SVIL: variants seen among roughly 807,000 people sequenced by gnomAD.
The protein encoded by SVIL is supervillin, also known as archvillin.
SVIL carries 101 observed loss-of-function variants against 240.4 expected under a neutral mutation model. The observed-to-expected ratio is 0.42, with a 90% CI of 0.36 to 0.50. The LOEUF (loss-of-function observed/expected upper bound fraction) is 0.50. SVIL is among the 20% of genes least tolerant of loss of function. The pLI, the probability that SVIL is intolerant of heterozygous loss-of-function variation, is 0.01. For synonymous variants in SVIL, 999 were observed against 1,100.0 expected (o/e 0.91, Z 1.82); for missense variants, 2,512 against 2,818.7 (o/e 0.89, Z 2.46).
chr10:29,546,700 G>C (rs1952725368), intron 6 of SVIL, among the ~76,000 whole-genome samples: 2 of 152,146 alleles, frequency 1.3e-5, no homozygotes. Context: ...GCTCACATTT[G>C]AATATTTAGG....
chr10:29,696,320 C>T (rs573236465), intron 1 of SVIL, among the ~76,000 whole-genome samples: 12 of 152,244 alleles, frequency 7.9e-5, no homozygotes, highest in Non-Finnish European at 1.5e-4. Flanking sequence ...ACCTCCCAGC[C>T]GCCTGCCTTG....
chr10:29,550,656 C>G lies in SVIL; in HGVS notation c.768G>C (p.Gln256His), dbSNP rs1256433888. 4 of 1,613,800 alleles carry G rather than the reference C, an allele frequency of 2.5e-6. No homozygotes were observed. The South Asian group carries it at 4.4e-5, about 18-fold the overall frequency. Residue 256 changes from glutamine (Q) to histidine (H), a missense_variant, in exon 6 of 38, where the codon CAG (glutamine) becomes CAC (histidine). By Grantham distance (24) the Gln-to-His change is conservative. This residue lies in a region of SVIL where 1,443 missense variants were observed against 1,486.6 expected (regional missense o/e 0.97). Coordinates refer to ENST00000355867, the MANE Select transcript of SVIL (RefSeq NM_021738.3). ...PKHAHSSSLQ[Q>H]AASRSPSFGD... ...CAAAGGAGGGGCTCCGGGAGGCTGC[C>G]TGCTGCAGGGAGGAGCTGTGGGCGT...
rs1182329924 is a variant in SVIL, at chr10:29,481,672, T to C, written c.5012A>G (p.Glu1671Gly). The change falls in exon 28 of 38, where the codon GAG (glutamate) becomes GGG (glycine). Residue 1671 changes from glutamate (E) to glycine (G), a missense_variant. Coordinates refer to ENST00000355867, the MANE Select transcript of SVIL (RefSeq NM_021738.3). ...AIFGRLTEHNETILFKEKFLD... is the reference protein window; with the variant it reads ...AIFGRLTEHNGTILFKEKFLD... ...AAACTTCTCTTTGAACAAAATCGTC[T>C]CATTGTGTTCAGTAAGTCTCCCAAA... 1.2e-6 allele frequency: 2 copies of C among 1,613,988 alleles called. No individual in the cohort carries two copies. Among genetic ancestry groups the C allele is most frequent in the Non-Finnish European group, 1.7e-6 (2 of 1,179,960 alleles).
At position 29,486,467 on chromosome 10, in the gene SVIL, G is replaced by A; in HGVS notation, c.4576C>T (p.His1526Tyr). 1 of 1,614,204 alleles carries A rather than the reference G, an allele frequency of 6.2e-7. No individual in the cohort carries two copies. Among genetic ancestry groups the A allele is most frequent in the Non-Finnish European group, 8.5e-7 (1 of 1,180,032 alleles). The change falls in exon 25 of 38, where the codon CAC (histidine) becomes TAC (tyrosine). Residue 1526 changes from histidine (H) to tyrosine (Y), a missense_variant. This residue lies in a region of SVIL where 797 missense variants were observed against 925.3 expected (regional missense o/e 0.86). Transcript: ENST00000355867. ...CAGAAGTCTTTGGCTGCATGAGTGT[G>A]TGTATTAATTCCTTCTTCAATGGTT... ...IQTIEEGINT[H>Y]THAAKDFWKL...
Position 29,523,698 on chromosome 10 carries a change from T to C in SVIL, c.2916A>G (p.Ala972=), listed in dbSNP as rs1950707806. 6.2e-7 allele frequency: 1 copy of C among 1,613,310 alleles called. No homozygotes were observed. Among genetic ancestry groups the C allele is most frequent in the Non-Finnish European group, 8.5e-7 (1 of 1,179,204 alleles). ...GMEKYGSFEE[A]EASYPILNRA... is the part of the protein sequence containing the mutation. Reference sequence around the variant, plus strand: ...GGTTCAGGATGGGGTAGGATGCTTCTGCTTCCTCAAAGGACCCATACTTCT... The same window carrying C: ...GGTTCAGGATGGGGTAGGATGCTTCCGCTTCCTCAAAGGACCCATACTTCT... The change falls in exon 15 of 38, where the codon GCA becomes GCG. Residue 972 remains alanine, a synonymous_variant. Transcript: ENST00000355867.
intron 3 of SVIL, among the ~76,000 whole-genome samples, chr10:29,562,293 T>C (rs998973767): frequency 2.6e-5 from 4 of 152,186 alleles, no homozygotes; most frequent in Non-Finnish European, 4.4e-5. Flanking sequence ...CTGGTAACAC[T>C]AGGGGGAATT....
chr10:29,642,504 A>G (rs1958523373), intron 3 of SVIL, among the ~76,000 whole-genome samples: 1 of 152,154 alleles, frequency 6.6e-6, no homozygotes, highest in Non-Finnish European at 1.5e-5. Context: ...TTAGTTGAGA[A>G]TATTTCCCCT....
At position 29,490,985 on chromosome 10, in the gene SVIL, C is replaced by T. The variant is rs148355552; in HGVS notation, c.4054G>A (p.Val1352Ile). ...GCCTGAACCCGGCGCTTGGGCCTAA[C>T]TGCCCGCTTGTGCTCGGCCACGGAA... ...TSSVAEHKRAVRPKRRVQASK... is the reference protein window; with the variant it reads ...TSSVAEHKRAIRPKRRVQASK... Residue 1352 changes from valine (V) to isoleucine (I), a missense_variant, in exon 22 of 38, where the codon GTT (valine) becomes ATT (isoleucine). Val to Ile is a conservative substitution (Grantham distance 29). This residue lies in a region of SVIL where 272 missense variants were observed against 406.8 expected (regional missense o/e 0.67). Transcript: ENST00000355867. 0.034 allele frequency: 54,194 copies of T among 1,612,986 alleles called. 386 individuals carry two copies. The highest frequency in any genetic ancestry group is 0.057 in the Middle Eastern group (347 of 6,046).
chr10:29,471,283 G>T, intron 30 of SVIL, 40 bp from the exon 31 acceptor site: 2 of 1,487,924 alleles, frequency 1.3e-6, no homozygotes, highest in Non-Finnish European at 1.8e-6. Context: ...AGGGGCGCGG[G>T]GCTTTCAAAG....
At position 29,551,266 on chromosome 10, in the gene SVIL, A is replaced by C; in HGVS notation, c.161-3T>G. The stretch of plus-strand genomic sequence containing the variant: ...TTCCTCCTCTTCATTTGATCGGCCT[A>C]CAAGAAGGTCACATGGATGAGAGGT... On this transcript the variant is annotated splice_region_variant and splice_polypyrimidine_tract_variant and intron_variant, in intron 5 of 37. Coordinates refer to ENST00000355867, the MANE Select transcript of SVIL (RefSeq NM_021738.3). 6.3e-7 allele frequency: 1 copy of C among 1,581,340 alleles called. No individual in the cohort carries two copies. Among genetic ancestry groups the C allele is most frequent in the South Asian group, 1.2e-5 (1 of 86,006 alleles).
At chr10:29,714,672 A>T (rs914990570) in intron 1 of SVIL, among the ~76,000 whole-genome samples, 1 of 152,144 alleles carries the variant, frequency 6.6e-6, no homozygotes, top group African/African-American at 2.4e-5. Context: ...CAAAAGAAAA[A>T]GGCTTGGCCG....
chr10:29,505,094 G>C (rs1949170940), intron 17 of SVIL, among the ~76,000 whole-genome samples: 1 of 152,196 alleles, frequency 6.6e-6, no homozygotes. Flanking sequence ...AGGCTGAGGT[G>C]GGCGGATCAC....
intron 6 of SVIL, among the ~76,000 whole-genome samples, chr10:29,550,148 G>A (rs183538732): frequency 6.6e-6 from 1 of 151,390 alleles, no homozygotes; most frequent in South Asian, 2.1e-4. Flanking sequence ...TGAAATGTAA[G>A]AATCTTAGGC....
intron 6 of SVIL, among the ~76,000 whole-genome samples, chr10:29,541,372 G>A (rs1228140322): frequency 6.6e-6 from 1 of 152,156 alleles, no homozygotes; most frequent in Non-Finnish European, 1.5e-5. Context: ...TCCTGACTGG[G>A]ATGATGATTA....
chr10:29,684,514 G>A (rs1177967638), intron 2 of SVIL, among the ~76,000 whole-genome samples: 2 of 152,190 alleles, frequency 1.3e-5, no homozygotes, highest in Non-Finnish European at 2.9e-5. Context: ...AAAGAGTTAA[G>A]TTATTGTCTA....
chr10:29,534,134 T>C (rs969542237), intron 7 of SVIL, among the ~76,000 whole-genome samples: 3 of 152,180 alleles, frequency 2.0e-5, no homozygotes, highest in African/African-American at 7.2e-5. Flanking sequence ...AGATAGTTGC[T>C]GACAGAACTA....
chr10:29,599,868 A>G (rs1477853920), intron 1 of SVIL, among the ~76,000 whole-genome samples: 2 of 151,974 alleles, frequency 1.3e-5, no homozygotes, highest in Non-Finnish European at 2.9e-5. Flanking sequence ...ATTAAGTAGA[A>G]CGTTATTAAT....
chr10:29,594,757 A>T (rs1485708327), intron 1 of SVIL, among the ~76,000 whole-genome samples: 1 of 152,038 alleles, frequency 6.6e-6, no homozygotes, highest in East Asian at 1.9e-4. Flanking sequence ...GGGTTTCGCC[A>T]TATTGCCTAG....
intron 1 of SVIL, among the ~76,000 whole-genome samples, chr10:29,723,941 T>C (rs1264316843): frequency 6.6e-6 from 1 of 152,208 alleles, no homozygotes. Context: ...AACACAGCAC[T>C]TAACTTTTCA....
Sources: gnomAD v4.1 joint callset for allele counts (sites outside exome capture counted in the v4.1 genomes callset) on GRCh38, gnomAD v4.1.1 for gene constraint, gnomAD v4.1.1 regional missense constraint, MANE v1.5 for transcripts, NCBI Gene and HGNC (gene_info 2026-07-23, HGNC 2026-07-21) for gene names.